TRAPPC8: variants seen among roughly 807,000 people sequenced by gnomAD.
TRAPPC8 encodes the protein trafficking protein particle complex subunit 8.
Under a neutral mutation model 174.3 loss-of-function variants are expected in TRAPPC8, and 54 were observed. That is an observed-to-expected ratio of 0.31 (90% CI 0.25 to 0.39). The LOEUF is 0.39. Among genes scored for constraint, TRAPPC8 ranks in the 10% least tolerant of loss-of-function variants. TRAPPC8 has a pLI of 1.00. For synonymous variants in TRAPPC8, 630 were observed against 579.9 expected (o/e 1.09, Z -1.24); for missense variants, 1,531 against 1,699.1 (o/e 0.90, Z 1.74).
chr18:31,939,144 G>GT (rs2038224842), intron 1 of TRAPPC8, among the ~76,000 whole-genome samples: 1 of 147,734 alleles, frequency 6.8e-6, no homozygotes, highest in African/African-American at 2.5e-5. Context: ...ACAAAAAGTA[G>GT]CTGTTCTAGG....
chr18:31,849,789 CA>C, intron 24 of TRAPPC8, 50 bp from the exon 25 acceptor site: 1 of 1,490,736 alleles, frequency 6.7e-7, no homozygotes, highest in African/African-American at 1.4e-5. Context: ...ATTATGTTGT[CA>C]AAATTTATTT....
intron 11 of TRAPPC8, 129 bp from the exon 12 acceptor site, chr18:31,890,995 CAAAGATCAAGGGG>C (rs2035931306): frequency 3.8e-6 from 3 of 780,708 alleles, no homozygotes; most frequent in Non-Finnish European, 5.3e-6. Flanking sequence ...TATATGAGGG[CAAAGATCAAGGGG>C]AAAACCAATC....
chr18:31,909,027 T>C lies in TRAPPC8; in HGVS notation c.866-17A>G, dbSNP rs368268002. The C allele has an allele frequency of 4.4e-6, 7 of 1,584,940 alleles. No individual in the cohort carries two copies. The highest frequency in any genetic ancestry group is 4.3e-6 in the Non-Finnish European group (5 of 1,164,752). ...GTAAGCCATCTACTGAAAAAGAGAT[T>C]ATTTCTTTTACTCTCAGAATGCAAC... is the stretch of plus-strand genomic sequence containing the variant. On this transcript the variant is annotated splice_polypyrimidine_tract_variant and intron_variant, in intron 6 of 28. Coordinates refer to ENST00000283351, the MANE Select transcript of TRAPPC8 (RefSeq NM_014939.5).
In TRAPPC8 at chr18:31,942,969, C is replaced by G; in HGVS notation, c.-205G>C. 1 of 1,080,046 alleles carries G rather than the reference C, an allele frequency of 9.3e-7. No homozygotes were observed. Among genetic ancestry groups the G allele is most frequent in the African/African-American group, 1.6e-5 (1 of 61,574 alleles). The allele number at this position is 1,080,046 out of a possible 1,614,324, so 66.9% of individuals were successfully genotyped here. A position where few individuals can be genotyped will look rare whatever the true frequency, so the allele number is the denominator to read the frequency against. On this transcript the variant is annotated 5_prime_UTR_variant, in exon 1 of 29. Coordinates refer to ENST00000283351, the MANE Select transcript of TRAPPC8 (RefSeq NM_014939.5). ...CCACTGACCCCCCCCTTCCCGTCACCGCCGCTTCTCAGCGCTCGTCCCCGC... is the reference window on the plus strand; with the variant it reads ...CCACTGACCCCCCCCTTCCCGTCACGGCCGCTTCTCAGCGCTCGTCCCCGC...
At chr18:31,919,229 C>A (rs1460034232) in intron 2 of TRAPPC8, among the ~76,000 whole-genome samples, 2 of 152,102 alleles carry the variant, frequency 1.3e-5, no homozygotes, top group African/African-American at 2.4e-5. Flanking sequence ...GCGTTTCACA[C>A]CTATAATCCT....
At chr18:31,935,597 T>C (rs114051785) in intron 1 of TRAPPC8, among the ~76,000 whole-genome samples, 1,526 of 144,010 alleles carry the variant, frequency 0.011, 29 homozygotes, top group African/African-American at 0.039. Context: ...CCTGCGATTA[T>C]AGGCTTGAGC....
intron 1 of TRAPPC8, among the ~76,000 whole-genome samples, chr18:31,942,339 T>C (rs12326244): frequency 0.26 from 39,534 of 152,108 alleles, 5,414 homozygotes; most frequent in Middle Eastern, 0.38. Context: ...AGACTCACGT[T>C]TATCTTTGCA....
In TRAPPC8 at chr18:31,895,682, A is replaced by G. The variant is rs576978376; in HGVS notation, c.1596+2104T>C. 2.0e-5 allele frequency: 3 copies of G among 152,376 alleles called. No individual in the cohort carries two copies. The East Asian group carries it at 5.8e-4, about 29-fold the overall frequency. 9.4% of individuals were successfully genotyped at this position (152,376 alleles called of 1,614,324 possible). On this transcript the variant is annotated intron_variant, in intron 11 of 28. Transcript: ENST00000283351. ...GGAATTTTATTGAAGCTCCTGAACC[A>G]TAAATTCTTTTTACATTCACTGATA...
intron 1 of TRAPPC8, among the ~76,000 whole-genome samples, chr18:31,936,303 AT>A (rs1229924426): frequency 5.3e-5 from 8 of 149,804 alleles, no homozygotes; most frequent in Admixed American, 1.3e-4. Context: ...TACAAAAAAA[AT>A]TTTTTTTTTA....
At chr18:31,888,542 A>C (rs2035821392) in intron 12 of TRAPPC8, among the ~76,000 whole-genome samples, 1 of 152,248 alleles carries the variant, frequency 6.6e-6, no homozygotes, top group Non-Finnish European at 1.5e-5. Flanking sequence ...GAATGAATAA[A>C]GAAAATGTGG....
intron 12 of TRAPPC8, among the ~76,000 whole-genome samples, chr18:31,887,178 C>A (rs896388397): frequency 6.6e-6 from 1 of 152,090 alleles, no homozygotes; most frequent in African/African-American, 2.4e-5. Flanking sequence ...CCCTAGGATG[C>A]AAGGCTGGTT....
chr18:31,927,536 C>T (rs1323494344), intron 2 of TRAPPC8, among the ~76,000 whole-genome samples: 2 of 152,040 alleles, frequency 1.3e-5, no homozygotes, highest in African/African-American at 4.8e-5. Flanking sequence ...GGATTACAGG[C>T]GTGAGCCACC....
At chr18:31,901,453 A>T (rs1244725373) in intron 9 of TRAPPC8, among the ~76,000 whole-genome samples, 2 of 152,204 alleles carry the variant, frequency 1.3e-5, no homozygotes, top group Non-Finnish European at 2.9e-5. Flanking sequence ...TATTGTATTT[A>T]TATTATTCTC....
At position 31,829,387 on chromosome 18, in the gene TRAPPC8, G is replaced by A. The variant is rs544406545; in HGVS notation, c.*1368C>T. On this transcript the variant is annotated 3_prime_UTR_variant, in exon 29 of 29. Transcript: ENST00000283351. ...TCCTCAGACTTTTTATAAGCCCATG[G>A]CCCTAAACTCTCAAGAAGGAAATGA... The A allele has an allele frequency of 6.6e-6, 1 of 152,124 alleles. No homozygotes were observed. Among genetic ancestry groups the A allele is most frequent in the South Asian group, 2.1e-4 (1 of 4,812 alleles). 9.4% of individuals were successfully genotyped at this position (152,124 alleles called of 1,614,324 possible).
At chr18:31,854,972 A>C (rs2033920957) in intron 21 of TRAPPC8, among the ~76,000 whole-genome samples, 1 of 149,658 alleles carries the variant, frequency 6.7e-6, no homozygotes, top group African/African-American at 2.5e-5. Flanking sequence ...TCTCAAAAAA[A>C]AAAAAAAAAA....
rs770188385 is a variant in TRAPPC8, at chr18:31,857,988, TTGG to T, written c.2746-9_2746-7del. 3 of 1,571,346 alleles carry T rather than the reference TTGG, an allele frequency of 1.9e-6. No homozygotes were observed. The highest frequency in any genetic ancestry group is 2.6e-6 in the Non-Finnish European group (3 of 1,161,334). On this transcript the variant is annotated splice_region_variant and splice_polypyrimidine_tract_variant and intron_variant, in intron 19 of 28. Coordinates refer to ENST00000283351, the MANE Select transcript of TRAPPC8 (RefSeq NM_014939.5). ...GGAAAATGTATAAAGAACACCTGCA[TTGG>T]AGGGAAAAAATATTATTATTTGTCT...
At chr18:31,916,584 G>C (rs759650608) in intron 3 of TRAPPC8, 138 bp from the exon 4 acceptor site, 3 of 813,488 alleles carry the variant, frequency 3.7e-6, no homozygotes, top group Non-Finnish European at 3.6e-6. Flanking sequence ...CCAGGCTGGA[G>C]AGCAGTGGCG....
intron 1 of TRAPPC8, among the ~76,000 whole-genome samples, chr18:31,932,912 CTGCAGTGAGCCAAGGCGGAGGGT>C (rs1440060991): frequency 6.8e-6 from 1 of 146,218 alleles, no homozygotes; most frequent in African/African-American, 2.5e-5. Flanking sequence ...AATGCGGAGG[CTGCAGTGAGCCAAGGCGGAGGGT>C]TGCAGTGAGC....
intron 25 of TRAPPC8, among the ~76,000 whole-genome samples, chr18:31,847,913 T>C (rs1390023318): frequency 6.6e-6 from 1 of 152,104 alleles, no homozygotes; most frequent in Non-Finnish European, 1.5e-5. Flanking sequence ...AGGAGTTGTA[T>C]TATGTCCCTT....
Sources: gnomAD v4.1 joint callset for allele counts (sites outside exome capture counted in the v4.1 genomes callset) on GRCh38, gnomAD v4.1.1 for gene constraint, MANE v1.5 for transcripts, NCBI Gene and HGNC (gene_info 2026-07-23, HGNC 2026-07-21) for gene names.